Variants in METAP1D observed in about 807,000 individuals in gnomAD.
METAP1D encodes methionine aminopeptidase 1D, mitochondrial.
METAP1D carries 31 observed loss-of-function variants against 40.5 expected under a neutral mutation model. The observed-to-expected ratio is 0.77, with a 90% CI of 0.58 to 1.03. The LOEUF is 1.03. Ranked by LOEUF, METAP1D falls within the 50% of genes least tolerant of loss-of-function variation. METAP1D has a pLI of 0.00. For synonymous variants in METAP1D, 151 were observed against 146.4 expected (o/e 1.03, Z -0.22); for missense variants, 411 against 420.7 (o/e 0.98, Z 0.20).
intron 1 of METAP1D, among the ~76,000 whole-genome samples, chr2:172,028,630 C>T (rs751325298): frequency 3.6e-4 from 53 of 147,134 alleles, no homozygotes; most frequent in Admixed American, 6.2e-4. Context: ...ATATAATATG[C>T]AACTTGTTTT....
chr2:172,050,281 T>G (rs1172665483), intron 1 of METAP1D, among the ~76,000 whole-genome samples: 26 of 152,230 alleles, frequency 1.7e-4, no homozygotes, highest in Admixed American at 1.7e-3. Context: ...ATTAAAGCTG[T>G]GCTTTTGATC....
At chr2:172,070,478 C>T (rs183042843) in intron 5 of METAP1D, among the ~76,000 whole-genome samples, 1 of 152,266 alleles carries the variant, frequency 6.6e-6, no homozygotes, top group East Asian at 1.9e-4. Flanking sequence ...CTGGTAAATA[C>T]AAAATCAAGT....
chr2:172,009,463 G>A (rs949335913), intron 1 of METAP1D, among the ~76,000 whole-genome samples: 2 of 147,996 alleles, frequency 1.4e-5, no homozygotes, highest in South Asian at 2.1e-4. Context: ...TTTTTGTTTC[G>A]GGTCATTATA....
At chr2:172,047,625 G>A (rs755833642) in intron 1 of METAP1D, among the ~76,000 whole-genome samples, 4 of 152,050 alleles carry the variant, frequency 2.6e-5, no homozygotes, top group Admixed American at 6.6e-5. Context: ...ATAGAGATGC[G>A]GTTTCACCAT....
intron 1 of METAP1D, among the ~76,000 whole-genome samples, chr2:172,015,757 C>T (rs1322305867): frequency 6.6e-6 from 1 of 151,868 alleles, no homozygotes; most frequent in Non-Finnish European, 1.5e-5. Flanking sequence ...GCCAGGAGTT[C>T]CAGACTAGCC....
chr2:172,076,738 T>C (rs1482344361), intron 6 of METAP1D, among the ~76,000 whole-genome samples: 1 of 152,262 alleles, frequency 6.6e-6, no homozygotes, highest in Non-Finnish European at 1.5e-5. Context: ...TGTGGGTTCA[T>C]GTTAAACTAA....
intron 1 of METAP1D, among the ~76,000 whole-genome samples, chr2:172,025,977 A>G (rs752592038): frequency 1.3e-5 from 2 of 152,244 alleles, no homozygotes; most frequent in Non-Finnish European, 2.9e-5. Context: ...TTTTAAAGAT[A>G]TATGATGGTT....
At chr2:172,008,325 C>A (rs1688636127) in intron 1 of METAP1D, among the ~76,000 whole-genome samples, 1 of 152,132 alleles carries the variant, frequency 6.6e-6, no homozygotes, top group Non-Finnish European at 1.5e-5. Context: ...ATTTTAATTA[C>A]TCCTTCTTTA....
chr2:172,015,673 A>C (rs1420615270), intron 1 of METAP1D, among the ~76,000 whole-genome samples: 1 of 152,136 alleles, frequency 6.6e-6, no homozygotes, highest in East Asian at 1.9e-4. Flanking sequence ...GAAAAAGTAC[A>C]TTGTGGCCAG....
intron 1 of METAP1D, among the ~76,000 whole-genome samples, chr2:172,007,264 G>A (rs1475653585): frequency 6.6e-6 from 1 of 151,332 alleles, no homozygotes; most frequent in Non-Finnish European, 1.5e-5. Context: ...CAAACTCCTG[G>A]GCTCAAGCAA....
chr2:172,023,568 C>G (rs559210282), intron 1 of METAP1D, among the ~76,000 whole-genome samples: 2 of 152,264 alleles, frequency 1.3e-5, no homozygotes, highest in Admixed American at 6.5e-5. Context: ...CCAGTACATG[C>G]ATTCGTCAGG....
chr2:172,019,999 G>A (rs560439659), intron 1 of METAP1D, among the ~76,000 whole-genome samples: 109 of 152,210 alleles, frequency 7.2e-4, no homozygotes, highest in African/African-American at 2.6e-3. Flanking sequence ...AGGTATGTTT[G>A]TTTCTTTTTT....
intron 1 of METAP1D, among the ~76,000 whole-genome samples, chr2:172,048,095 T>C (rs952039835): frequency 1.3e-5 from 2 of 152,204 alleles, no homozygotes; most frequent in African/African-American, 4.8e-5. Flanking sequence ...GTTTGTAAAG[T>C]GTTTCTACAT....
intron 1 of METAP1D, among the ~76,000 whole-genome samples, chr2:172,016,332 A>ATATATATATATATAT (rs1558995296): frequency 3.4e-5 from 3 of 88,020 alleles, no homozygotes; most frequent in South Asian, 4.9e-4. Flanking sequence ...TATATATATA[A>ATATATATATATATAT]ATAGTCCAGG....
rs1208446177 is a variant in METAP1D, at chr2:172,045,204, A to G, written c.41-16294A>G. ...AATACTACTTTTACACATTTAAACT[A>G]AAAAGAAGTCATCACTTGTGCAACT... On this transcript the variant is annotated intron_variant, in intron 1 of 9. Coordinates refer to ENST00000315796, the MANE Select transcript of METAP1D (RefSeq NM_199227.3). Among the ~76,000 whole-genome samples the G allele has an allele frequency of 1.5e-5, 2 of 134,410 alleles. 1 individual carries two copies. Among genetic ancestry groups the G allele is most frequent in the Non-Finnish European group, 3.5e-5 (2 of 57,722 alleles). 88.2% of individuals were successfully genotyped at this position (134,410 alleles called of 152,430 possible).
At chr2:172,080,281 G>T in intron 9 of METAP1D, 47 bp from the exon 10 acceptor site, 1 of 1,613,988 alleles carries the variant, frequency 6.2e-7, no homozygotes, top group Non-Finnish European at 8.5e-7. Context: ...CTTGTGGCCC[G>T]GCCGGAGCTT....
intron 1 of METAP1D, among the ~76,000 whole-genome samples, chr2:172,050,444 A>T (rs547258036): frequency 4.3e-4 from 64 of 147,252 alleles, no homozygotes; most frequent in East Asian, 9.8e-4. Flanking sequence ...GTTTTTTTTT[A>T]AAAAACTCAT....
intron 1 of METAP1D, among the ~76,000 whole-genome samples, chr2:172,019,730 A>G (rs1027056540): frequency 1.3e-5 from 2 of 152,188 alleles, no homozygotes; most frequent in African/African-American, 4.8e-5. Context: ...ACTAATCTTC[A>G]TCTAGCAATA....
intron 1 of METAP1D, among the ~76,000 whole-genome samples, chr2:172,020,626 A>G (rs1688985216): frequency 6.6e-6 from 1 of 152,220 alleles, no homozygotes. Flanking sequence ...ATCAACACAG[A>G]CAAAACCCCC....
Sources: gnomAD v4.1 joint callset for allele counts (sites outside exome capture counted in the v4.1 genomes callset) on GRCh38, gnomAD v4.1.1 for gene constraint, MANE v1.5 for transcripts, NCBI Gene and HGNC (gene_info 2026-07-23, HGNC 2026-07-21) for gene names.